The following PPFIBP2 variants were observed in gnomAD, a reference collection of about 807,000 sequenced individuals.
The protein encoded by PPFIBP2 is PPFIB scaffold protein 2.
A neutral mutation model predicts 118.3 loss-of-function variants in PPFIBP2; 118 were observed. That is an observed-to-expected ratio of 1.00 (90% CI 0.86 to 1.16). The LOEUF (loss-of-function observed/expected upper bound fraction) is 1.16. Ranked by LOEUF, PPFIBP2 falls within the 50% of genes most tolerant of loss-of-function variation. The pLI is 0.00. For missense variants in PPFIBP2, 1,195 were observed against 1,073.1 expected (o/e 1.11, Z -1.59); for synonymous variants, 414 against 397.4 (o/e 1.04, Z -0.50).
intron 1 of PPFIBP2, among the ~76,000 whole-genome samples, chr11:7,541,859 A>C (rs1459619516): frequency 2.6e-5 from 4 of 152,058 alleles, no homozygotes; most frequent in African/African-American, 2.4e-5. Flanking sequence ...TTCTCTAGGT[A>C]CTCAGGGCAA....
At chr11:7,636,571 TC>T (rs943391506) in intron 14 of PPFIBP2, among the ~76,000 whole-genome samples, 2 of 152,004 alleles carry the variant, frequency 1.3e-5, no homozygotes, top group African/African-American at 4.8e-5. Context: ...CGCTCAGCAG[TC>T]CCCCCTCCCA....
chr11:7,588,242 C>T (rs931831962), intron 3 of PPFIBP2, among the ~76,000 whole-genome samples: 7 of 152,136 alleles, frequency 4.6e-5, no homozygotes, highest in African/African-American at 7.2e-5. Flanking sequence ...TATCATTGTA[C>T]GGTCCAAACT....
intron 4 of PPFIBP2, among the ~76,000 whole-genome samples, chr11:7,595,791 C>T (rs185365758): frequency 6.6e-6 from 1 of 152,146 alleles, no homozygotes; most frequent in Non-Finnish European, 1.5e-5. Context: ...AGGCAAATCA[C>T]ACATAACAAA....
chr11:7,655,896 T>C (rs10769815), downstream of PPFIBP2, among the ~76,000 whole-genome samples: 82,024 of 152,026 alleles, frequency 0.54, 23,623 homozygotes, highest in Non-Finnish European at 0.65. Context: ...CCCAGAGACA[T>C]ATGCATTTCC....
At chr11:7,665,265 G>T in the PPFIBP2 span, 8 of 971,520 alleles carry the variant, frequency 8.2e-6, no homozygotes, top group South Asian at 1.1e-4. Context: ...TGTGCGCGAA[G>T]GTACATGGCA....
intron 1 of PPFIBP2, among the ~76,000 whole-genome samples, chr11:7,515,780 C>T (rs1453679867): frequency 1.3e-5 from 2 of 152,208 alleles, no homozygotes; most frequent in Non-Finnish European, 2.9e-5. Flanking sequence ...GTTCTGTGAA[C>T]TTCTCAAAGT....
chr11:7,600,224 T>C (rs1036894747), intron 5 of PPFIBP2, among the ~76,000 whole-genome samples: 2 of 152,222 alleles, frequency 1.3e-5, no homozygotes, highest in Non-Finnish European at 2.9e-5. Flanking sequence ...ATAGGACACA[T>C]CTGAGCCTCA....
chr11:7,519,184 G>A (rs917758103), intron 1 of PPFIBP2, among the ~76,000 whole-genome samples: 2 of 152,200 alleles, frequency 1.3e-5, no homozygotes, highest in African/African-American at 4.8e-5. Flanking sequence ...AGAAGATAAA[G>A]AGGAGGCTTG....
At chr11:7,569,484 C>T (rs1033695137) in intron 3 of PPFIBP2, among the ~76,000 whole-genome samples, 10 of 152,162 alleles carry the variant, frequency 6.6e-5, no homozygotes, top group Admixed American at 5.2e-4. Context: ...ATGTGCAAGG[C>T]TTTCTTAATG....
At chr11:7,637,604 C>T (rs1851617936) in intron 14 of PPFIBP2, among the ~76,000 whole-genome samples, 1 of 152,242 alleles carries the variant, frequency 6.6e-6, no homozygotes, top group Non-Finnish European at 1.5e-5. Context: ...TTCTACACTA[C>T]TCCCTTGGCT....
At chr11:7,592,357 T>C (rs1352610163) in intron 3 of PPFIBP2, among the ~76,000 whole-genome samples, 2 of 152,188 alleles carry the variant, frequency 1.3e-5, no homozygotes, top group African/African-American at 4.8e-5. Flanking sequence ...GCCTCTCCTC[T>C]GACATTTCAC....
intron 16 of PPFIBP2, chr11:7,641,998 C>T: frequency 2.5e-6 from 1 of 406,174 alleles, no homozygotes; most frequent in Non-Finnish European, 4.4e-6. Context: ...CAAGTACTTG[C>T]TGGCCCAACT....
At chr11:7,597,895 A>G (rs1860671720) in intron 5 of PPFIBP2, 1 of 496,646 alleles carries the variant, frequency 2.0e-6, no homozygotes, top group Non-Finnish European at 3.7e-6. Flanking sequence ...GAGATGAATA[A>G]CCTGCTGAGC....
chr11:7,663,216 G>C, the PPFIBP2 span, among the ~76,000 whole-genome samples: 10 of 132,960 alleles, frequency 7.5e-5, no homozygotes, highest in African/African-American at 1.7e-4. Flanking sequence ...TGGAGGAGGA[G>C]AGGCGCTCTG....
intron 8 of PPFIBP2, among the ~76,000 whole-genome samples, chr11:7,626,707 C>T (rs992600999): frequency 6.6e-6 from 1 of 152,228 alleles, no homozygotes; most frequent in Non-Finnish European, 1.5e-5. Flanking sequence ...ATCTTTATGG[C>T]TGTTTGCCAT....
intron 1 of PPFIBP2, among the ~76,000 whole-genome samples, chr11:7,518,876 G>A (rs1032517352): frequency 1.3e-5 from 2 of 152,222 alleles, no homozygotes; most frequent in African/African-American, 4.8e-5. Flanking sequence ...GAGCGAGTAT[G>A]GGCGGGAGAG....
At chr11:7,535,814 A>C (rs1361328643) in intron 1 of PPFIBP2, among the ~76,000 whole-genome samples, 1 of 152,166 alleles carries the variant, frequency 6.6e-6, no homozygotes, top group African/African-American at 2.4e-5. Flanking sequence ...TAGGAGTGGA[A>C]AGGATGAGAT....
downstream of PPFIBP2, among the ~76,000 whole-genome samples, chr11:7,657,596 C>T (rs917267811): frequency 6.6e-6 from 1 of 152,166 alleles, no homozygotes; most frequent in Non-Finnish European, 1.5e-5. Context: ...CCCAACTCAC[C>T]AACTTCCCAA....
intron 2 of PPFIBP2, among the ~76,000 whole-genome samples, chr11:7,560,949 A>T (rs1854235148): frequency 6.6e-6 from 1 of 152,346 alleles, no homozygotes; most frequent in African/African-American, 2.4e-5. Flanking sequence ...CTGCCCATAT[A>T]AGAACCTTGT....
Sources: allele counts gnomAD v4.1 joint callset (sites outside exome capture counted in the v4.1 genomes callset), GRCh38; gene constraint gnomAD v4.1.1; transcripts MANE v1.5; gene names NCBI Gene and HGNC (gene_info 2026-07-23, HGNC 2026-07-21).